Variants in OPRM1 observed in about 807,000 individuals in gnomAD.
OPRM1 encodes the protein mu-type opioid receptor.
OPRM1 carries 27 observed loss-of-function variants against 31.8 expected under a neutral mutation model. The ratio of observed to expected loss-of-function variants is 0.85; its 90% CI spans 0.63 to 1.17. The LOEUF is 1.17. Ranked by LOEUF, OPRM1 falls within the 50% of genes most tolerant of loss-of-function variation. The pLI, the probability that OPRM1 is intolerant of heterozygous loss-of-function variation, is 0.00. For missense variants in OPRM1, 536 were observed against 511.1 expected (o/e 1.05, Z -0.47); for synonymous variants, 196 against 189.9 (o/e 1.03, Z -0.26).
intron 1 of OPRM1, among the ~76,000 whole-genome samples, chr6:154,019,115 A>G (rs1293039032): frequency 2.0e-5 from 3 of 150,278 alleles, no homozygotes; most frequent in Admixed American, 1.3e-4. Flanking sequence ...AAACAATCCA[A>G]TTACATTATT....
At chr6:154,054,136 G>A (rs1562404019) in intron 1 of OPRM1, among the ~76,000 whole-genome samples, 1 of 151,992 alleles carries the variant, frequency 6.6e-6, no homozygotes, top group Non-Finnish European at 1.5e-5. Flanking sequence ...TTGGGAGGCC[G>A]AGGCCGGCGG....
chr6:154,246,029 CA>C (rs2128642122), intron 3 of OPRM1, among the ~76,000 whole-genome samples: 1 of 152,174 alleles, frequency 6.6e-6, no homozygotes, highest in Non-Finnish European at 1.5e-5. Context: ...CAGAGCACAC[CA>C]GGGGACAAGA....
intron 3 of OPRM1, among the ~76,000 whole-genome samples, chr6:154,236,137 C>A (rs966602374): frequency 3.9e-5 from 6 of 152,068 alleles, no homozygotes; most frequent in Non-Finnish European, 8.8e-5. Context: ...AAGGTAGAAG[C>A]GACCCAAGTG....
chr6:154,239,812 T>C (rs1780435467), intron 3 of OPRM1, among the ~76,000 whole-genome samples: 1 of 152,226 alleles, frequency 6.6e-6, no homozygotes, highest in Non-Finnish European at 1.5e-5. Flanking sequence ...CAAGCAATTC[T>C]CTTGCCTCAG....
chr6:154,179,129 T>A (rs1217943589), intron 3 of OPRM1, among the ~76,000 whole-genome samples: 2 of 152,098 alleles, frequency 1.3e-5, no homozygotes, highest in East Asian at 3.9e-4. Context: ...GAACATCCAG[T>A]GGAAGCAGGT....
chr6:154,099,842 A>G (rs1244749430), intron 3 of OPRM1, among the ~76,000 whole-genome samples: 1 of 146,750 alleles, frequency 6.8e-6, no homozygotes, highest in African/African-American at 2.5e-5. Context: ...ATATCAGGAT[A>G]TATCATAATA....
chr6:154,092,305 G>C lies in OPRM1; in HGVS notation c.1164+833G>C, dbSNP rs1437199705. On this transcript the variant is annotated intron_variant, in intron 3 of 3. Transcript: ENST00000330432. ...TTAGTATTACTTGATTAAGCCACTG[G>C]TTGGCTAAATTTGACCTCTGATCTA... Among the ~76,000 whole-genome samples the C allele has an allele frequency of 4.6e-5, 7 of 152,120 alleles. No homozygotes were observed. The East Asian group carries it at 1.3e-3, about 29-fold the overall frequency.
chr6:154,182,597 G>A (rs550897503), intron 3 of OPRM1, among the ~76,000 whole-genome samples: 2 of 152,282 alleles, frequency 1.3e-5, no homozygotes, highest in African/African-American at 4.8e-5. Flanking sequence ...AACAGAAAAC[G>A]TTGGTGTACA....
intron 3 of OPRM1, among the ~76,000 whole-genome samples, chr6:154,145,761 C>T (rs190633690): frequency 2.6e-5 from 4 of 152,286 alleles, no homozygotes; most frequent in East Asian, 3.9e-4. Context: ...CAAAGATGTG[C>T]GGTATTGACA....
intron 3 of OPRM1, among the ~76,000 whole-genome samples, chr6:154,180,164 T>C (rs76296754): frequency 0.036 from 5,490 of 151,852 alleles, 139 homozygotes; most frequent in Non-Finnish European, 0.049. Context: ...CTCAAAGGAG[T>C]ATGTCCAAAA....
chr6:154,135,784 A>G (rs1016095748), downstream of OPRM1, among the ~76,000 whole-genome samples: 3 of 152,124 alleles, frequency 2.0e-5, no homozygotes, highest in African/African-American at 2.4e-5. Context: ...ACCACTCGAC[A>G]TTTTCCTAGT....
intron 1 of OPRM1, among the ~76,000 whole-genome samples, chr6:154,054,974 T>A (rs542284048): frequency 1.3e-5 from 2 of 152,346 alleles, no homozygotes; most frequent in East Asian, 3.9e-4. Flanking sequence ...CCTAACCTAC[T>A]TGAATCTCAT....
At position 154,118,698 on chromosome 6, in the gene OPRM1, G is replaced by A. The variant is rs895427219; in HGVS notation, c.1180G>A (p.Ala394Thr). ...RTNHQLENLEAETAPLP is the reference protein window; with the variant it reads ...RTNHQLENLETETAPLP ...CTCCTTTCAGCTAGAAAATCTGGAA[G>A]CAGAAACTGCTCCGTTGCCCTAACA... is the stretch of plus-strand genomic sequence containing the variant. Residue 394 changes from alanine (A) to threonine (T), a missense_variant, in exon 4 of 4, where the codon GCA (alanine) becomes ACA (threonine). Physicochemically the swap from Ala to Thr is moderately conservative, Grantham distance 58 (BLOSUM62 0). Transcript: ENST00000330432. The A allele has an allele frequency of 2.5e-6, 4 of 1,613,076 alleles. No individual in the cohort carries two copies. In the Admixed American group the frequency reaches 5.0e-5, roughly 20 times the overall value.
intron 1 of OPRM1, 63 bp from the exon 2 acceptor site, chr6:154,089,763 G>A: frequency 1.8e-6 from 2 of 1,112,988 alleles, no homozygotes; most frequent in East Asian, 2.4e-5. Context: ...ATTATTGGAA[G>A]CTTACCTATA....
At chr6:154,105,114 G>A (rs941111321) in intron 3 of OPRM1, among the ~76,000 whole-genome samples, 7 of 152,162 alleles carry the variant, frequency 4.6e-5, no homozygotes, top group African/African-American at 1.7e-4. Context: ...CAATTGTGTT[G>A]TATTACAAAA....
intron 1 of OPRM1, among the ~76,000 whole-genome samples, chr6:154,083,886 G>GTGAGCC (rs1300177635): frequency 6.9e-6 from 1 of 145,478 alleles, no homozygotes; most frequent in Non-Finnish European, 1.5e-5. Context: ...GGAGCTTGCA[G>GTGAGCC]TGAGCCGAGA....
chr6:154,086,961 T>C (rs1298550332), intron 1 of OPRM1: 1 of 984,036 alleles, frequency 1.0e-6, no homozygotes, highest in Non-Finnish European at 1.2e-6. Flanking sequence ...GTTTTAATTT[T>C]GCTTTTTTGT....
chr6:154,145,527 A>G (rs1798337642), intron 3 of OPRM1, among the ~76,000 whole-genome samples: 1 of 152,260 alleles, frequency 6.6e-6, no homozygotes, highest in Admixed American at 6.5e-5. Context: ...AGAGACATAC[A>G]TTGTTCATAG....
intron 3 of OPRM1, among the ~76,000 whole-genome samples, chr6:154,237,252 A>G (rs1414308808): frequency 1.3e-5 from 2 of 152,232 alleles, no homozygotes; most frequent in African/African-American, 4.8e-5. Flanking sequence ...AAATGTGCCC[A>G]CACCCTCACC....
Sources: gnomAD v4.1 joint callset for allele counts (sites outside exome capture counted in the v4.1 genomes callset) on GRCh38, gnomAD v4.1.1 for gene constraint, MANE v1.5 for transcripts, NCBI Gene and HGNC (gene_info 2026-07-23, HGNC 2026-07-21) for gene names.